MSANTD2: variants seen among roughly 807,000 people sequenced by gnomAD.
MSANTD2 encodes myb/SANT-like DNA-binding domain-containing protein 2.
MSANTD2 carries 19 observed loss-of-function variants against 52.6 expected under a neutral mutation model. The ratio of observed to expected loss-of-function variants is 0.36; its 90% CI spans 0.25 to 0.53. The LOEUF is 0.53. Among genes scored for constraint, MSANTD2 ranks in the 20% least tolerant of loss-of-function variants. MSANTD2 has a pLI of 0.91. For synonymous variants in MSANTD2, 291 were observed against 289.7 expected, an observed-to-expected ratio of 1.00 and a Z score of -0.04; for missense variants, 558 against 716.3, an observed-to-expected ratio of 0.78 and a Z score of 2.52.
rs1944342112 is a variant in MSANTD2 at position 124,767,464 on chromosome 11, C to G, written c.1392G>C (p.Gln464His). The G allele has an allele frequency of 6.2e-7, 1 of 1,614,084 alleles. No individual in the cohort carries two copies. Among genetic ancestry groups the G allele is most frequent in the Non-Finnish European group, 8.5e-7 (1 of 1,180,058 alleles). The change falls in exon 4 of 4, where the codon CAG becomes CAC. Residue 464 changes from glutamine (Q) to histidine (H), a missense_variant. By Grantham distance (24) the Gln-to-His change is conservative (BLOSUM62 0). Transcript: ENST00000374979. The surrounding 1 kb of genome is among the most constrained non-coding windows in gnomAD (Gnocchi z 6.5). Reference sequence around the variant, plus strand: ...TAATTCGGGTGGGTTCTATTTCCACCTGTAATGAGGCTTGTGCTGAAAGGG... The same window carrying G: ...TAATTCGGGTGGGTTCTATTTCCACGTGTAATGAGGCTTGTGCTGAAAGGG... ...LETLSAQASLQVEIEPTRIIY... is the reference protein window; with the variant it reads ...LETLSAQASLHVEIEPTRIIY...
intron 3 of MSANTD2, among the ~76,000 whole-genome samples, chr11:124,769,053 T>C (rs1018373314): frequency 2.6e-5 from 4 of 152,196 alleles, no homozygotes; most frequent in African/African-American, 9.6e-5. Flanking sequence ...CACACTTACA[T>C]ACAATCATAC....
chr11:124,767,488 G>T lies in MSANTD2; in HGVS notation c.1368C>A (p.Thr456=). The T allele has an allele frequency of 6.2e-7, 1 of 1,614,188 alleles. No homozygotes were observed. Among genetic ancestry groups the T allele is most frequent in the Middle Eastern group, 1.6e-4 (1 of 6,062 alleles). ...CCTGTAATGAGGCTTGTGCTGAAAG[G>T]GTTTCCAGGTCAACCCGGCCCTCTT... The part of the protein sequence containing the change: ...PGKEGRVDLE[T]LSAQASLQVE... The change falls in exon 4 of 4, where the codon ACC becomes ACA. Residue 456 remains threonine, a synonymous_variant. Coordinates refer to ENST00000374979, the MANE Select transcript of MSANTD2 (RefSeq NM_001308027.2). The surrounding 1 kb of genome is among the most constrained non-coding windows in gnomAD (Gnocchi z 6.5).
intron 1 of MSANTD2, among the ~76,000 whole-genome samples, chr11:124,778,169 C>T (rs1212447120): frequency 6.6e-6 from 1 of 152,120 alleles, no homozygotes; most frequent in Non-Finnish European, 1.5e-5. Flanking sequence ...CTCAGAAAAA[C>T]GAAGCCTCAA....
intron 3 of MSANTD2, among the ~76,000 whole-genome samples, chr11:124,768,550 A>G (rs1041286671): frequency 2.6e-5 from 4 of 152,358 alleles, no homozygotes; most frequent in Middle Eastern, 3.4e-3. Context: ...AGAAAGTCCA[A>G]TAATGGGCTT....
chr11:124,768,901 ATATATGAAGC>A (rs1170180039), intron 3 of MSANTD2, among the ~76,000 whole-genome samples: 5 of 152,242 alleles, frequency 3.3e-5, no homozygotes, highest in Non-Finnish European at 7.3e-5. Context: ...TAATTTGTAT[ATATATGAAGC>A]TATATAAAGT....
At chr11:124,791,964 G>A (rs569066671) in intron 1 of MSANTD2, 5 of 237,902 alleles carry the variant, frequency 2.1e-5, no homozygotes, top group Admixed American at 5.2e-5. Flanking sequence ...TATTTACAAA[G>A]CACTTAGAAT....
At chr11:124,791,082 C>G in intron 1 of MSANTD2, 1 of 567,670 alleles carries the variant, frequency 1.8e-6, no homozygotes, top group African/African-American at 1.9e-5. Context: ...GAAGAGATAA[C>G]GTGTAAGGGA....
intron 1 of MSANTD2, among the ~76,000 whole-genome samples, chr11:124,799,481 C>T (rs1402243331): frequency 6.6e-6 from 1 of 152,240 alleles, no homozygotes; most frequent in Non-Finnish European, 1.5e-5. Flanking sequence ...CAATCCTGCC[C>T]CGGCCGGTAA....
At position 124,766,992 on chromosome 11, in the gene MSANTD2, C is replaced by T. The variant is rs2135222586; in HGVS notation, c.*184G>A. 3.5e-6 allele frequency: 2 copies of T among 577,574 alleles called. 1 individual carries two copies. Among genetic ancestry groups the T allele is most frequent in the Middle Eastern group, 9.8e-4 (2 of 2,046 alleles). The allele number at this position is 577,574 out of a possible 1,614,324, so 35.8% of individuals were successfully genotyped here. On this transcript the variant is annotated 3_prime_UTR_variant, in exon 4 of 4. Coordinates refer to ENST00000374979, the MANE Select transcript of MSANTD2 (RefSeq NM_001308027.2). ...CTTGCTTGCTCAAAATGAGCATTTTCAGGTGAGGTCTGTTTTTTCTGGCCC... is the reference window on the plus strand; with the variant it reads ...CTTGCTTGCTCAAAATGAGCATTTTTAGGTGAGGTCTGTTTTTTCTGGCCC...
Position 124,800,099 on chromosome 11 carries a change from G to A in MSANTD2, c.282C>T (p.Ala94=). 2 of 1,480,272 alleles carry A rather than the reference G, an allele frequency of 1.4e-6. No individual in the cohort carries two copies. The highest frequency in any genetic ancestry group is 1.8e-6 in the Non-Finnish European group (2 of 1,125,124). The allele number at this position is 1,480,272 out of a possible 1,614,324, so 91.7% of individuals were successfully genotyped here. A position where few individuals can be genotyped will look rare whatever the true frequency, so the allele number is the denominator to read the frequency against. ...PGGGGGGAAA[A]AAAACRGMSW... ...ACATGCCCCGGCAGGCGGCGGCGGCGGCTGCCGCAGCCCCGCCACCGCCGC... is the reference window on the plus strand; with the variant it reads ...ACATGCCCCGGCAGGCGGCGGCGGCAGCTGCCGCAGCCCCGCCACCGCCGC... Residue 94 remains alanine, a synonymous_variant, in exon 1 of 4, where the codon GCC becomes GCT. Coordinates refer to ENST00000374979, the MANE Select transcript of MSANTD2 (RefSeq NM_001308027.2). The surrounding 1 kb of genome is among the most constrained non-coding windows in gnomAD (Gnocchi z 4.3).
At position 124,800,078 on chromosome 11, in the gene MSANTD2, G is replaced by A. The variant is rs761826630; in HGVS notation, c.303C>T (p.Gly101=). Residue 101 remains glycine (G), a synonymous_variant, in exon 1 of 4, where the codon GGC becomes GGT. Transcript: ENST00000374979. The surrounding 1 kb of genome is among the most constrained non-coding windows in gnomAD (Gnocchi z 4.3). ...AAAAAAAACR[G]MSWTPAETNA... ...TCGTCTCGGCTGGCGTCCACGACAT[G>A]CCCCGGCAGGCGGCGGCGGCGGCTG... 2.7e-6 allele frequency: 4 copies of A among 1,504,084 alleles called. No individual in the cohort carries two copies. Among genetic ancestry groups the A allele is most frequent in the Non-Finnish European group, 3.5e-6 (4 of 1,136,898 alleles). The allele number at this position is 1,504,084 out of a possible 1,614,324, so 93.2% of individuals were successfully genotyped here. A position where few individuals can be genotyped will look rare whatever the true frequency, so the allele number is the denominator to read the frequency against.
intron 3 of MSANTD2, among the ~76,000 whole-genome samples, chr11:124,769,702 A>G (rs1944429635): frequency 6.6e-6 from 1 of 152,210 alleles, no homozygotes; most frequent in African/African-American, 2.4e-5. Context: ...AGACTAGGGG[A>G]TTAGCCAGGT....
chr11:124,778,279 C>T (rs977869464), intron 1 of MSANTD2, among the ~76,000 whole-genome samples: 1 of 152,232 alleles, frequency 6.6e-6, no homozygotes, highest in African/African-American at 2.4e-5. Context: ...TCCCTTTCTT[C>T]TTCCTTTATT....
intron 1 of MSANTD2, among the ~76,000 whole-genome samples, chr11:124,787,425 G>A (rs1945194523): frequency 6.6e-6 from 1 of 152,148 alleles, no homozygotes; most frequent in Non-Finnish European, 1.5e-5. Flanking sequence ...TGCCCAGGCT[G>A]GATGGAGTGC....
intron 3 of MSANTD2, among the ~76,000 whole-genome samples, chr11:124,771,284 C>T (rs1360741807): frequency 6.6e-6 from 1 of 152,132 alleles, no homozygotes; most frequent in Non-Finnish European, 1.5e-5. Context: ...CTGATGTGGG[C>T]GATTAGCTTC....
chr11:124,767,954 C>T lies in MSANTD2; in HGVS notation c.902G>A (p.Trp301Ter). ...VQLKWELFQS[W>*]TDFSRLHLSN... ...AAGATGGAGCCTTGAAAAGTCTGTC[C>T]AGCTCTGAAAAAGTTCCCATTTCAA... Residue 301 changes from tryptophan (W) to a stop codon, truncating the protein, a stop_gained, in exon 4 of 4, where the codon TGG becomes TAG. Transcript: ENST00000374979. LOFTEE classifies it high-confidence loss of function. This position sits in a 1 kb window ranked among gnomAD's most constrained non-coding sequence, Gnocchi z 6.5. 6.2e-7 allele frequency: 1 copy of T among 1,614,154 alleles called. No individual in the cohort carries two copies. Among genetic ancestry groups the T allele is most frequent in the Non-Finnish European group, 8.5e-7 (1 of 1,180,008 alleles).
intron 1 of MSANTD2, chr11:124,784,485 C>G (rs1477424445): frequency 3.8e-6 from 3 of 793,890 alleles, no homozygotes; most frequent in Non-Finnish European, 1.4e-6. Context: ...AAATTAAACC[C>G]CCCCCCCGCC....
At chr11:124,785,807 A>T (rs533956319) in intron 1 of MSANTD2, among the ~76,000 whole-genome samples, 2 of 151,126 alleles carry the variant, frequency 1.3e-5, no homozygotes, top group Non-Finnish European at 2.9e-5. Flanking sequence ...TATATGTATC[A>T]TATTTATATA....
intron 1 of MSANTD2, among the ~76,000 whole-genome samples, chr11:124,797,376 A>G (rs189943807): frequency 2.0e-5 from 3 of 152,342 alleles, no homozygotes; most frequent in Non-Finnish European, 2.9e-5. Context: ...AAATGCCTGT[A>G]GTCCTAGCTA....
Sources: gnomAD v4.1 joint callset for allele counts (sites outside exome capture counted in the v4.1 genomes callset) on GRCh38, gnomAD v4.1.1 for gene constraint, Gnocchi (gnomAD v3.1) non-coding constraint, MANE v1.5 for transcripts, NCBI Gene and HGNC (gene_info 2026-07-23, HGNC 2026-07-21) for gene names.